The following ZNF469 variants were observed in gnomAD, a reference collection of about 807,000 sequenced individuals.
The protein encoded by ZNF469 is zinc finger protein 469.
Under a neutral mutation model 1.0 loss-of-function variants are expected in ZNF469, and 1 was observed. The observed-to-expected ratio is 1.00, with a 90% CI of 0.35 to 4.73. The LOEUF is 4.73. ZNF469 is among the 30% of genes most tolerant of loss of function. The probability of loss-of-function intolerance (pLI) is 0.16; values close to 1 mark genes in which losing one functional copy is unlikely to be tolerated. For missense variants in ZNF469, 6,100 were observed against 5,356.3 expected, an observed-to-expected ratio of 1.14 and a Z score of -4.33; for synonymous variants, 2,703 against 2,363.4, an observed-to-expected ratio of 1.14 and a Z score of -4.17.
In ZNF469 at chr16:88,435,597, T is replaced by C; in HGVS notation, c.8127T>C (p.Thr2709=). 1 of 1,550,004 alleles carries C rather than the reference T, an allele frequency of 6.5e-7. No individual in the cohort carries two copies. The highest frequency in any genetic ancestry group is 8.7e-7 in the Non-Finnish European group (1 of 1,146,822). Residue 2709 remains threonine (T), a synonymous_variant, in exon 3 of 3, where the codon ACT becomes ACC. Transcript: ENST00000565624. ...GGGTGATGGAGGGTGCAGCGGAGACTGACCAGGAGGCTCTGTGTGCAGGGG... is the reference window on the plus strand; with the variant it reads ...GGGTGATGGAGGGTGCAGCGGAGACCGACCAGGAGGCTCTGTGTGCAGGGG... ...GPGVMEGAAE[T]DQEALCAGET...
chr16:88,119,511 A>G, the ZNF469 span, among the ~76,000 whole-genome samples: 1 of 152,232 alleles, frequency 6.6e-6, no homozygotes, highest in Non-Finnish European at 1.5e-5. Context: ...CAAAGCAACC[A>G]AATACCAAAG....
At chr16:88,411,234 G>A (rs886343372) in intron 1 of ZNF469, among the ~76,000 whole-genome samples, 2 of 152,170 alleles carry the variant, frequency 1.3e-5, no homozygotes, top group South Asian at 2.1e-4. Flanking sequence ...ACTTCAGAGG[G>A]TGAAAGTGCC....
Position 88,432,178 on chromosome 16 carries a change from G to A in ZNF469, c.4708G>A (p.Glu1570Lys), listed in dbSNP as rs1227724367. The A allele has an allele frequency of 5.8e-6, 9 of 1,550,194 alleles. No individual in the cohort carries two copies. Among genetic ancestry groups the A allele is most frequent in the East Asian group, 2.4e-5 (1 of 40,928 alleles). The change falls in exon 3 of 3, where the codon GAA becomes AAA. Residue 1570 changes from glutamate (E) to lysine (K), a missense_variant. Glu to Lys is a moderately conservative substitution (Grantham distance 56, BLOSUM62 1). Transcript: ENST00000565624. Reference sequence around the variant, plus strand: ...ACTGGAGATCCAGAAATTGGTCACCGAATTAGAAAGTCAGCTGCAAAGGAG... The same window carrying A: ...ACTGGAGATCCAGAAATTGGTCACCAAATTAGAAAGTCAGCTGCAAAGGAG... The part of the protein sequence containing the change: ...DELEIQKLVT[E>K]LESQLQRSKD...
chr16:88,248,045 G>A, the ZNF469 span, among the ~76,000 whole-genome samples: 1 of 152,160 alleles, frequency 6.6e-6, no homozygotes. Flanking sequence ...CCCACACAGG[G>A]CTGCTCCAGT....
At chr16:88,362,589 T>C in the ZNF469 span, among the ~76,000 whole-genome samples, 1 of 152,250 alleles carries the variant, frequency 6.6e-6, no homozygotes, top group African/African-American at 2.4e-5. Flanking sequence ...TTCTGACTTC[T>C]GGTGTTTTTA....
In ZNF469 at chr16:88,437,691, C is replaced by T. The variant is rs1906692696; in HGVS notation, c.10221C>T (p.Cys3407=). ...CGCCGCTGTATGCCTGCGAGCTCTG[C>T]GCCACGGTTATGCGCATCATCAAGA... ...QHTPLYACEL[C]ATVMRIIKKS... is the part of the protein sequence containing the mutation. Residue 3407 remains cysteine (C), a synonymous_variant, in exon 3 of 3, where the codon TGC becomes TGT. Coordinates refer to ENST00000565624, the MANE Select transcript of ZNF469 (RefSeq NM_001367624.2). The T allele has an allele frequency of 6.5e-7, 1 of 1,549,710 alleles. No individual in the cohort carries two copies. Among genetic ancestry groups the T allele is most frequent in the Non-Finnish European group, 8.7e-7 (1 of 1,146,562 alleles).
At position 88,430,131 on chromosome 16, in the gene ZNF469, C is replaced by T. The variant is rs1906033837; in HGVS notation, c.2661C>T (p.Ser887=). Residue 887 remains serine (S), a synonymous_variant, in exon 3 of 3, where the codon AGC becomes AGT. Transcript: ENST00000565624. ...RGPSSGHPLK[S]KAGVTPESKA... is the part of the protein sequence containing the mutation. ...CCAGCTCCGGACACCCCCTTAAGAG[C>T]AAGGCGGGGGTGACTCCAGAGAGCA... The T allele has an allele frequency of 2.6e-6, 4 of 1,550,094 alleles. No individual in the cohort carries two copies. Among genetic ancestry groups the T allele is most frequent in the South Asian group, 2.4e-5 (2 of 84,070 alleles).
rs990156582 is a variant in ZNF469 at position 88,428,832 on chromosome 16, C to G, written c.1362C>G (p.Gly454=). 3 of 1,546,672 alleles carry G rather than the reference C, an allele frequency of 1.9e-6. No homozygotes were observed. The African/African-American group carries it at 4.1e-5, about 21-fold the overall frequency. ...TAAPYPTPPG[G]PLAATRSMFF... is the part of the protein sequence containing the mutation. ...CCCCTTACCCCACACCTCCTGGGGG[C>G]CCCCTGGCTGCCACCAGGAGTATGT... The change falls in exon 3 of 3, where the codon GGC becomes GGG. Residue 454 remains glycine (G), a synonymous_variant. Coordinates refer to ENST00000565624, the MANE Select transcript of ZNF469 (RefSeq NM_001367624.2).
the ZNF469 span, among the ~76,000 whole-genome samples, chr16:88,122,001 G>A: frequency 6.9e-6 from 1 of 144,490 alleles, no homozygotes; most frequent in South Asian, 2.1e-4. Context: ...ACTCGCTACG[G>A]CCACGGCGGC....
chr16:88,264,621 C>A, the ZNF469 span, among the ~76,000 whole-genome samples: 1 of 151,638 alleles, frequency 6.6e-6, no homozygotes, highest in African/African-American at 2.4e-5. Context: ...CTCCCACATC[C>A]CCCTCCCCAG....
At chr16:88,413,406 A>G (rs1905226377) in intron 1 of ZNF469, among the ~76,000 whole-genome samples, 1 of 152,102 alleles carries the variant, frequency 6.6e-6, no homozygotes, top group African/African-American at 2.4e-5. Context: ...GAGACAGCAA[A>G]GGAGAGGCCC....
At chr16:88,100,986 G>A in the ZNF469 span, 1 of 272,488 alleles carries the variant, frequency 3.7e-6, no homozygotes, top group Non-Finnish European at 7.2e-6. Flanking sequence ...CCTGGGGCGT[G>A]GAGCCGGGGC....
chr16:88,318,419 C>G, the ZNF469 span, among the ~76,000 whole-genome samples: 1 of 140,020 alleles, frequency 7.1e-6, no homozygotes, highest in African/African-American at 2.5e-5. Flanking sequence ...CAGCGGTGTC[C>G]TCTGCCCCAG....
At chr16:88,372,679 CCAT>C in the ZNF469 span, among the ~76,000 whole-genome samples, 1 of 150,874 alleles carries the variant, frequency 6.6e-6, no homozygotes, top group Admixed American at 6.6e-5. Flanking sequence ...ATCATCACCA[CCAT>C]CATCACCATC....
the ZNF469 span, among the ~76,000 whole-genome samples, chr16:88,188,428 T>C: frequency 1.8e-4 from 27 of 152,368 alleles, no homozygotes; most frequent in African/African-American, 6.5e-4. Flanking sequence ...TCTGAGGCTG[T>C]GCCTGGCCTA....
intron 1 of ZNF469, among the ~76,000 whole-genome samples, chr16:88,385,210 G>A (rs1193532408): frequency 1.3e-5 from 2 of 152,102 alleles, no homozygotes; most frequent in African/African-American, 4.8e-5. Flanking sequence ...AAGCAGAGAT[G>A]CCCTCCCCTC....
At chr16:88,256,017 G>T in the ZNF469 span, among the ~76,000 whole-genome samples, 1 of 152,192 alleles carries the variant, frequency 6.6e-6, no homozygotes, top group African/African-American at 2.4e-5. Context: ...GGCCGTTTTT[G>T]ATCATGGGGA....
chr16:88,205,296 C>T, the ZNF469 span, among the ~76,000 whole-genome samples: 12 of 152,250 alleles, frequency 7.9e-5, no homozygotes, highest in Middle Eastern at 3.4e-3. This position sits in a 1 kb window ranked among gnomAD's most constrained non-coding sequence, Gnocchi z 4.2. Context: ...TCCCGGCTTC[C>T]TCGAAGGGTT....
the ZNF469 span, among the ~76,000 whole-genome samples, chr16:88,153,280 C>A: frequency 6.6e-6 from 1 of 152,170 alleles, no homozygotes; most frequent in Non-Finnish European, 1.5e-5. Flanking sequence ...TCGTGGGGGG[C>A]CTGCGGTGGT....
Sources: gnomAD v4.1 joint callset for allele counts (sites outside exome capture counted in the v4.1 genomes callset) on GRCh38, gnomAD v4.1.1 for gene constraint, Gnocchi (gnomAD v3.1) non-coding constraint, MANE v1.5 for transcripts, NCBI Gene and HGNC (gene_info 2026-07-23, HGNC 2026-07-21) for gene names.